The following PKHD1 variants were observed in gnomAD, a reference collection of about 807,000 sequenced individuals.
The protein encoded by PKHD1 is PKHD1 ciliary IPT domain containing fibrocystin/polyductin, also known as fibrocystin.
PKHD1 carries 291 observed loss-of-function variants against 412.0 expected under a neutral mutation model. That is an observed-to-expected ratio of 0.71 (90% CI 0.64 to 0.78). The LOEUF is 0.78. PKHD1 is among the 30% of genes least tolerant of loss of function. The probability of loss-of-function intolerance (pLI) is 0.00; values close to 1 mark genes in which losing one functional copy is unlikely to be tolerated. For synonymous variants in PKHD1, 1,777 were observed against 1,821.5 expected, an observed-to-expected ratio of 0.98 and a Z score of 0.62; for missense variants, 4,825 against 4,950.7, an observed-to-expected ratio of 0.97 and a Z score of 0.76.
intron 36 of PKHD1, among the ~76,000 whole-genome samples, chr6:51,950,667 G>A (rs528628619): frequency 6.6e-6 from 1 of 152,218 alleles, no homozygotes; most frequent in Non-Finnish European, 1.5e-5. Context: ...TACACTTTGA[G>A]AATCACTACT....
intron 29 of PKHD1, among the ~76,000 whole-genome samples, chr6:52,031,831 C>T (rs559447267): frequency 6.6e-6 from 1 of 152,260 alleles, no homozygotes; most frequent in South Asian, 2.1e-4. Context: ...GATTTAAATA[C>T]AAGTATAAAT....
intron 13 of PKHD1, among the ~76,000 whole-genome samples, chr6:52,063,826 G>A (rs181943489): frequency 3.3e-4 from 50 of 152,290 alleles, no homozygotes; most frequent in Admixed American, 2.9e-3. Flanking sequence ...ATAGTAATTC[G>A]CCCAGCTTCT....
chr6:51,755,641 G>C (rs1223980964), intron 55 of PKHD1, among the ~76,000 whole-genome samples: 2 of 152,202 alleles, frequency 1.3e-5, no homozygotes, highest in Middle Eastern at 3.4e-3. Context: ...CTCTGAATAT[G>C]ACTGTTTTAT....
intron 49 of PKHD1, among the ~76,000 whole-genome samples, chr6:51,853,880 G>A (rs1831014): frequency 0.41 from 61,820 of 151,956 alleles, 13,766 homozygotes; most frequent in East Asian, 0.85. Context: ...TTCACTCATT[G>A]TAGTTTTTTA....
At chr6:51,899,893 A>C (rs1265044988) in intron 43 of PKHD1, among the ~76,000 whole-genome samples, 1 of 152,160 alleles carries the variant, frequency 6.6e-6, no homozygotes, top group African/African-American at 2.4e-5. Flanking sequence ...AGAGTGCCAA[A>C]TCATGAGTGA....
rs762661826 is a variant in PKHD1, at chr6:51,648,102, G to A, written c.11327C>T (p.Ser3776Phe). ...FLDEQNRRVESLGPPSEPWTI... is the reference protein window; with the variant it reads ...FLDEQNRRVEFLGPPSEPWTI... Reference sequence around the variant, plus strand: ...CCATGGCTCTGAAGGAGGTCCCAGGGACTCTACTCTTCGATTCTAGAAATG... The same window carrying A: ...CCATGGCTCTGAAGGAGGTCCCAGGAACTCTACTCTTCGATTCTAGAAATG... The change falls in exon 63 of 67, where the codon TCC (serine) becomes TTC (phenylalanine). Residue 3776 changes from serine (S) to phenylalanine (F), a missense_variant. Coordinates refer to ENST00000371117, the MANE Select transcript of PKHD1 (RefSeq NM_138694.4). The A allele has an allele frequency of 2.5e-6, 4 of 1,601,152 alleles. No homozygotes were observed. The South Asian group carries it at 4.4e-5, about 18-fold the overall frequency.
At chr6:51,667,382 T>C (rs1190820755) in intron 60 of PKHD1, among the ~76,000 whole-genome samples, 1,423 of 118,730 alleles carry the variant, frequency 0.012, no homozygotes, top group South Asian at 0.018. Flanking sequence ...GCCCACTTTT[T>C]AATGGGGTTG....
rs747442010 is a variant in PKHD1, at chr6:51,791,301, G to A, written c.8375C>T (p.Pro2792Leu). 3 of 1,613,668 alleles carry A rather than the reference G, an allele frequency of 1.9e-6. No individual in the cohort carries two copies. The highest frequency in any genetic ancestry group is 1.1e-5 in the South Asian group (1 of 91,084). The change falls in exon 53 of 67, where the codon CCT becomes CTT. Residue 2792 changes from proline to leucine, a missense_variant. By Grantham distance (98) the Pro-to-Leu change is moderately conservative. Coordinates refer to ENST00000371117, the MANE Select transcript of PKHD1 (RefSeq NM_138694.4). ...ACTCAGAACATTGCTTCTGTCCACA[G>A]GGAAGTCTAAGGTCCCCATCACATA... ...GLYVMGTLDF[P>L]VDRSNVLSVA...
intron 35 of PKHD1, among the ~76,000 whole-genome samples, chr6:51,963,674 C>T (rs1371131587): frequency 6.6e-6 from 1 of 151,978 alleles, no homozygotes; most frequent in Middle Eastern, 3.2e-3. Context: ...GTGAGGATGG[C>T]TCACCTTCCA....
chr6:51,954,733 C>A (rs1192580364), intron 36 of PKHD1, among the ~76,000 whole-genome samples: 1 of 89,402 alleles, frequency 1.1e-5, no homozygotes, highest in Non-Finnish European at 2.2e-5. Context: ...TCACAGTTAC[C>A]TTCTTTTGTG....
rs759345577 is a variant in PKHD1 at position 51,939,182 on chromosome 6, T to A, written c.5909-4860A>T. 1.4e-4 allele frequency among the ~76,000 whole-genome samples: 21 copies of A among 151,126 alleles called. 2 individuals are homozygous for A. Among genetic ancestry groups the A allele is most frequent in the Non-Finnish European group, 2.5e-4 (17 of 67,464 alleles). ...GGACCCCCCTGACCCCTTCTCTCCA[T>A]GTCTCTACCCCTTCTCCACTTTTCT... On this transcript the variant is annotated intron_variant, in intron 36 of 66. Transcript: ENST00000371117.
At chr6:51,764,882 T>G (rs1373253027) in intron 55 of PKHD1, among the ~76,000 whole-genome samples, 3 of 152,002 alleles carry the variant, frequency 2.0e-5, no homozygotes, top group Non-Finnish European at 4.4e-5. Context: ...TGTTGACTCC[T>G]CAATATCTAA....
intron 2 of PKHD1, among the ~76,000 whole-genome samples, chr6:52,084,645 C>T (rs1812496853): frequency 1.3e-5 from 2 of 152,144 alleles, no homozygotes; most frequent in Admixed American, 1.3e-4. Flanking sequence ...CAGTATATAA[C>T]CTCAGCTGTT....
rs150083668 is a variant in PKHD1 at position 51,941,553 on chromosome 6, C to A, written c.5909-7231G>T. Among the ~76,000 whole-genome samples, 1,220 of 151,518 alleles carry A rather than the reference C, an allele frequency of 8.1e-3. 23 individuals carry two copies. Among genetic ancestry groups the A allele is most frequent in the African/African-American group, 0.028 (1,152 of 41,482 alleles). On this transcript the variant is annotated intron_variant, in intron 36 of 66. Coordinates refer to ENST00000371117, the MANE Select transcript of PKHD1 (RefSeq NM_138694.4). Reference sequence around the variant, plus strand: ...TACAGGCGTGAGCCACCGCACCCAGCCCAGCATGGCCTTTTAAAGCCTATA... The same window carrying A: ...TACAGGCGTGAGCCACCGCACCCAGACCAGCATGGCCTTTTAAAGCCTATA...
chr6:51,791,465 A>C, intron 52 of PKHD1, 92 bp from the exon 53 acceptor site: 1 of 1,194,260 alleles, frequency 8.4e-7, no homozygotes, highest in Admixed American at 1.8e-5. Context: ...GGAGCTGTGT[A>C]CAGTGTTATC....
chr6:51,959,744 A>T, intron 36 of PKHD1, 126 bp downstream of exon 36: 2 of 863,088 alleles, frequency 2.3e-6, no homozygotes, highest in Non-Finnish European at 3.8e-6. Context: ...GTAAAATTTC[A>T]GTTTGGTCTG....
chr6:51,974,680 A>G (rs1364900114), intron 35 of PKHD1, among the ~76,000 whole-genome samples: 1 of 152,216 alleles, frequency 6.6e-6, no homozygotes, highest in Admixed American at 6.5e-5. Flanking sequence ...TAAGAACGAC[A>G]CAATGGACTT....
chr6:51,746,551 G>A (rs374975784), intron 59 of PKHD1, among the ~76,000 whole-genome samples, 170 bp downstream of exon 59: 5 of 152,216 alleles, frequency 3.3e-5, no homozygotes, highest in African/African-American at 9.6e-5. Flanking sequence ...ATCACAAGGC[G>A]TGAATATAGG....
chr6:51,858,559 G>T (rs1206625496), intron 48 of PKHD1, among the ~76,000 whole-genome samples: 2 of 152,066 alleles, frequency 1.3e-5, no homozygotes, highest in Admixed American at 6.5e-5. Flanking sequence ...AGTGTTTCAG[G>T]TTCCAAAAGT....
Sources: gnomAD v4.1 joint callset for allele counts (sites outside exome capture counted in the v4.1 genomes callset) on GRCh38, gnomAD v4.1.1 for gene constraint, MANE v1.5 for transcripts, NCBI Gene and HGNC (gene_info 2026-07-23, HGNC 2026-07-21) for gene names.